NFIB: variants seen among roughly 807,000 people sequenced by gnomAD.
NFIB encodes the protein nuclear factor 1 B-type.
In NFIB, 11 loss-of-function variants were observed where a neutral mutation model predicts 61.5. That is an observed-to-expected ratio of 0.18 (90% CI 0.11 to 0.30). The LOEUF (loss-of-function observed/expected upper bound fraction) is 0.30. Among genes scored for constraint, NFIB ranks in the 10% least tolerant of loss-of-function variants. NFIB has a pLI of 1.00. For missense variants in NFIB, 471 were observed against 608.9 expected (o/e 0.77, Z 2.38); for synonymous variants, 260 against 216.5 (o/e 1.20, Z -1.76).
At chr9:14,142,001 G>A (rs146840536) in intron 6 of NFIB, among the ~76,000 whole-genome samples, 1 of 150,006 alleles carries the variant, frequency 6.7e-6, no homozygotes, top group African/African-American at 2.5e-5. Context: ...TCTATTAAAT[G>A]TTTTAGAAAT....
chr9:14,403,323 A>T (rs778139686), upstream of NFIB, among the ~76,000 whole-genome samples: 5 of 152,210 alleles, frequency 3.3e-5, no homozygotes, highest in African/African-American at 7.2e-5. Context: ...TCAGCAGGCA[A>T]GGCAGGGCAT....
chr9:14,245,859 C>A (rs1285462537), intron 2 of NFIB, among the ~76,000 whole-genome samples: 2 of 151,774 alleles, frequency 1.3e-5, no homozygotes, highest in Admixed American at 1.3e-4. Flanking sequence ...GGTGACAGAG[C>A]GAGACTCTGT....
At chr9:14,487,858 G>A in the NFIB span, among the ~76,000 whole-genome samples, 24 of 152,026 alleles carry the variant, frequency 1.6e-4, no homozygotes, top group African/African-American at 4.8e-4. Flanking sequence ...GACAGACGAC[G>A]AAGGATTTCA....
At chr9:14,192,299 T>A (rs954121199) in intron 2 of NFIB, among the ~76,000 whole-genome samples, 4 of 152,162 alleles carry the variant, frequency 2.6e-5, no homozygotes, top group Non-Finnish European at 5.9e-5. Context: ...AGATAGGATT[T>A]AAAAAATTAG....
chr9:14,453,091 G>T, the NFIB span, among the ~76,000 whole-genome samples: 1 of 152,166 alleles, frequency 6.6e-6, no homozygotes, highest in Non-Finnish European at 1.5e-5. Context: ...CCAGTGAGGT[G>T]GGTTCCCACC....
rs982569682 is a variant in NFIB at position 14,092,322 on chromosome 9, T to A, written c.1468-3996A>T. On this transcript the variant is annotated intron_variant, in intron 10 of 10. Transcript: ENST00000380953. ...TCCAGACGATAGCCATGCTGAGGAC[T>A]TAACTATAAGCATGGTACCATCTTT... Among the ~76,000 whole-genome samples, 5 of 152,054 alleles carry A rather than the reference T, an allele frequency of 3.3e-5. No individual in the cohort carries two copies. In the South Asian group the frequency reaches 8.3e-4, roughly 25 times the overall value.
chr9:14,279,917 G>A (rs1050139922), intron 2 of NFIB, among the ~76,000 whole-genome samples: 3 of 152,122 alleles, frequency 2.0e-5, no homozygotes, highest in Non-Finnish European at 4.4e-5. Flanking sequence ...CATCTTTCGT[G>A]CTTTGATTAA....
At chr9:14,515,801 A>T in the NFIB span, among the ~76,000 whole-genome samples, 1 of 152,208 alleles carries the variant, frequency 6.6e-6, no homozygotes, top group East Asian at 1.9e-4. Context: ...CCTCTAGACG[A>T]TGCCAAAGCT....
At chr9:14,441,259 G>C in the NFIB span, among the ~76,000 whole-genome samples, 2 of 151,910 alleles carry the variant, frequency 1.3e-5, no homozygotes, top group African/African-American at 2.4e-5. Flanking sequence ...ATAACCTGTA[G>C]TGCCTCATGG....
At chr9:14,351,487 T>C (rs2061112087) in intron 1 of NFIB, among the ~76,000 whole-genome samples, 1 of 152,170 alleles carries the variant, frequency 6.6e-6, no homozygotes, top group Admixed American at 6.5e-5. Context: ...TGTCAGGAAA[T>C]GATCGTGGTG....
chr9:14,235,874 A>T (rs1208010906), intron 2 of NFIB, among the ~76,000 whole-genome samples: 1 of 152,208 alleles, frequency 6.6e-6, no homozygotes, highest in Non-Finnish European at 1.5e-5. Flanking sequence ...TTTAACTATG[A>T]AACTTTACCC....
chr9:14,392,440 A>T (rs796375412), intron 1 of NFIB, among the ~76,000 whole-genome samples: 24 of 152,368 alleles, frequency 1.6e-4, no homozygotes, highest in African/African-American at 5.8e-4. Context: ...ACATAAAAAG[A>T]TTATAGACTG....
At chr9:14,479,416 G>A in the NFIB span, among the ~76,000 whole-genome samples, 1 of 152,176 alleles carries the variant, frequency 6.6e-6, no homozygotes, top group Non-Finnish European at 1.5e-5. Flanking sequence ...TCAATCTACA[G>A]GCTTGGGTAT....
chr9:14,323,480 G>A (rs1588310542), intron 1 of NFIB, among the ~76,000 whole-genome samples: 7 of 152,046 alleles, frequency 4.6e-5, no homozygotes, highest in Admixed American at 4.6e-4. Context: ...AGTATTAAAA[G>A]TAAAAATATA....
chr9:14,134,648 T>G (rs567492883), intron 6 of NFIB, among the ~76,000 whole-genome samples: 1 of 152,068 alleles, frequency 6.6e-6, no homozygotes, highest in East Asian at 1.9e-4. Flanking sequence ...TCCCAGCACT[T>G]TGGGAGGCCG....
chr9:14,195,009 ATGTTCTATACC>A (rs1271784718), intron 2 of NFIB, among the ~76,000 whole-genome samples: 2 of 151,940 alleles, frequency 1.3e-5, no homozygotes, highest in Non-Finnish European at 2.9e-5. Context: ...CTTCTCCACA[ATGTTCTATACC>A]TGACCCTGGA....
At chr9:14,439,748 G>A in the NFIB span, among the ~76,000 whole-genome samples, 1 of 152,156 alleles carries the variant, frequency 6.6e-6, no homozygotes, top group Non-Finnish European at 1.5e-5. Flanking sequence ...GGTCCGGACA[G>A]GTGGTTCCAA....
chr9:14,411,895 G>A, the NFIB span, among the ~76,000 whole-genome samples: 1 of 152,194 alleles, frequency 6.6e-6, no homozygotes, highest in African/African-American at 2.4e-5. Flanking sequence ...TGCTTGTTCC[G>A]ATGGGGAGGC....
the NFIB span, among the ~76,000 whole-genome samples, chr9:14,425,883 C>T: frequency 1.4e-3 from 206 of 152,238 alleles, 3 homozygotes; most frequent in Middle Eastern, 6.8e-3. Context: ...CTCTGCACCT[C>T]AGTAGATGCT....
Sources: gnomAD v4.1 joint callset for allele counts (sites outside exome capture counted in the v4.1 genomes callset) on GRCh38, gnomAD v4.1.1 for gene constraint, MANE v1.5 for transcripts, NCBI Gene and HGNC (gene_info 2026-07-23, HGNC 2026-07-21) for gene names.